The following FBXW10 variants were observed in gnomAD, a reference collection of about 807,000 sequenced individuals.
The protein encoded by FBXW10 is F-box/WD repeat-containing protein 10.
Under a neutral mutation model 113.1 loss-of-function variants are expected in FBXW10, and 68 were observed. The ratio of observed to expected loss-of-function variants is 0.60; its 90% CI spans 0.49 to 0.74. FBXW10 has a LOEUF of 0.74. Ranked by LOEUF, FBXW10 falls within the 30% of genes least tolerant of loss-of-function variation. The pLI, the probability that FBXW10 is intolerant of heterozygous loss-of-function variation, is 0.00. For missense variants in FBXW10, 753 were observed against 1,284.5 expected (o/e 0.59, Z 6.32); for synonymous variants, 289 against 481.6 (o/e 0.60, Z 5.24).
intron 7 of FBXW10, 70 bp from the exon 8 acceptor site, chr17:18,764,672 A>G (rs2035452107): frequency 1.4e-5 from 22 of 1,605,772 alleles, no homozygotes; most frequent in Non-Finnish European, 1.4e-5. Flanking sequence ...ACTTATCTAC[A>G]TGGGTTCTAC....
chr17:18,749,645 T>C, intron 2 of FBXW10, 77 bp from the exon 3 acceptor site: 1 of 1,603,500 alleles, frequency 6.2e-7, no homozygotes, highest in Non-Finnish European at 8.5e-7. Flanking sequence ...GGGAGAGCTT[T>C]TGGTGGGGAC....
intron 6 of FBXW10, among the ~76,000 whole-genome samples, chr17:18,756,778 T>C (rs1199202766): frequency 2.0e-5 from 3 of 152,212 alleles, no homozygotes; most frequent in Non-Finnish European, 4.4e-5. Flanking sequence ...CTTTCTGCCA[T>C]ATTTTGGGCC....
intron 1 of FBXW10, chr17:18,745,289 A>G (rs1164125544): frequency 1.2e-6 from 1 of 844,530 alleles, no homozygotes; most frequent in African/African-American, 1.8e-5. Context: ...TTAAGGGCCA[A>G]ATAAGTCTAG....
chr17:18,774,237 C>A (rs1247392424), intron 12 of FBXW10, among the ~76,000 whole-genome samples: 1 of 152,182 alleles, frequency 6.6e-6, no homozygotes, highest in Admixed American at 6.5e-5. Context: ...ATGGAAAAGA[C>A]CTCAGCACAA....
intron 4 of FBXW10, 23 bp from the exon 5 acceptor site, chr17:18,750,908 T>C: frequency 1.9e-6 from 3 of 1,606,294 alleles, no homozygotes; most frequent in Middle Eastern, 1.7e-4. Context: ...TATTTTTATT[T>C]TTTATTTTTT....
At chr17:18,775,420 C>T (rs1024499425) in intron 13 of FBXW10, among the ~76,000 whole-genome samples, 1 of 152,220 alleles carries the variant, frequency 6.6e-6, no homozygotes, top group Admixed American at 6.5e-5. Flanking sequence ...TGCCTGGCTT[C>T]TCCCAAGAGT....
chr17:18,757,828 ATTAT>A (rs2151804281), intron 6 of FBXW10, among the ~76,000 whole-genome samples: 1 of 152,340 alleles, frequency 6.6e-6, no homozygotes, highest in East Asian at 1.9e-4. Context: ...TTATCTGATA[ATTAT>A]TTATATTTCC....
Sources: gnomAD v4.1 joint callset for allele counts (sites outside exome capture counted in the v4.1 genomes callset) on GRCh38, gnomAD v4.1.1 for gene constraint, MANE v1.5 for transcripts, NCBI Gene and HGNC (gene_info 2026-07-23, HGNC 2026-07-21) for gene names.